PTPRN2: variants seen among roughly 807,000 people sequenced by gnomAD.
PTPRN2 encodes the protein receptor-type tyrosine-protein phosphatase N2.
A neutral mutation model predicts 118.8 loss-of-function variants in PTPRN2; 74 were observed. The observed-to-expected ratio is 0.62, with a 90% CI of 0.52 to 0.76. PTPRN2 has a LOEUF of 0.76. Among genes scored for constraint, PTPRN2 ranks in the 30% least tolerant of loss-of-function variants. The pLI, the probability that PTPRN2 is intolerant of heterozygous loss-of-function variation, is 0.00. For missense variants in PTPRN2, 1,481 were observed against 1,394.4 expected, an observed-to-expected ratio of 1.06 and a Z score of -0.99; for synonymous variants, 641 against 608.0, an observed-to-expected ratio of 1.05 and a Z score of -0.80.
intron 3 of PTPRN2, among the ~76,000 whole-genome samples, chr7:158,258,394 GT>G: frequency 6.6e-6 from 1 of 152,362 alleles, no homozygotes; most frequent in Non-Finnish European, 1.5e-5. Context: ...CAGTTCTTAA[GT>G]TCTTGTCTTT....
At chr7:158,557,225 C>G (rs1827091469) in intron 1 of PTPRN2, among the ~76,000 whole-genome samples, 1 of 147,996 alleles carries the variant, frequency 6.8e-6, no homozygotes, top group South Asian at 2.2e-4. Context: ...CCACGCAGGT[C>G]AGAGGGCTCC....
chr7:158,440,353 G>A (rs552798616), intron 2 of PTPRN2, among the ~76,000 whole-genome samples: 1 of 152,366 alleles, frequency 6.6e-6, no homozygotes, highest in South Asian at 2.1e-4. Context: ...GTGCAGTAGG[G>A]TTCTAGCACA....
chr7:157,989,056 G>A (rs983985369), intron 11 of PTPRN2, among the ~76,000 whole-genome samples: 1 of 152,366 alleles, frequency 6.6e-6, no homozygotes, highest in South Asian at 2.1e-4. Flanking sequence ...TTCTAAAGGT[G>A]CAGATACCCC....
In PTPRN2 at chr7:157,540,712, G is replaced by A. The variant is rs954988924; in HGVS notation, c.*2C>T. 6 of 1,556,610 alleles carry A rather than the reference G, an allele frequency of 3.9e-6. No individual in the cohort carries two copies. The highest frequency in any genetic ancestry group is 1.9e-5 in the Admixed American group (1 of 52,218). On this transcript the variant is annotated 3_prime_UTR_variant, in exon 23 of 23. Transcript: ENST00000389418. The stretch of plus-strand genomic sequence containing the variant: ...CTCCCCTGAGGCCCCTGAGGCTGCC[G>A]CTCACTGGGGAAGGGCCTTGAGGAT...
intron 12 of PTPRN2, chr7:157,862,556 G>T (rs989654738): frequency 2.6e-5 from 4 of 152,230 alleles, no homozygotes; most frequent in Non-Finnish European, 1.5e-5. Flanking sequence ...ACAGAAATGG[G>T]TGCCCAGCTG....
intron 12 of PTPRN2, among the ~76,000 whole-genome samples, chr7:157,826,661 T>C (rs1807193658): frequency 6.6e-6 from 1 of 152,176 alleles, no homozygotes; most frequent in African/African-American, 2.4e-5. Flanking sequence ...AGGTGGGCAT[T>C]ACTCTTCCCA....
In PTPRN2 at chr7:157,986,219, G is replaced by C. The variant is rs116643506; in HGVS notation, c.1724-87482C>G. 2.8e-3 allele frequency among the ~76,000 whole-genome samples: 419 copies of C among 152,320 alleles called. 2 individuals carry two copies. The highest frequency in any genetic ancestry group is 9.5e-3 in the African/African-American group (395 of 41,570). ...GAGGGTGCTGCAAAGCTGCCAGCAA[G>C]TATGTCTGCCTCTGACGAGTCACTG... On this transcript the variant is annotated intron_variant, in intron 11 of 22. Transcript: ENST00000389418. The surrounding 1 kb of genome is among the most constrained non-coding windows in gnomAD (Gnocchi z 4.5).
intron 11 of PTPRN2, among the ~76,000 whole-genome samples, chr7:157,932,892 G>T (rs34145697): frequency 2.7e-5 from 4 of 148,034 alleles, no homozygotes; most frequent in Non-Finnish European, 5.9e-5. Context: ...GAATCACTCC[G>T]ATTGACAGTT....
chr7:158,436,204 A>G (rs972563502), intron 2 of PTPRN2, among the ~76,000 whole-genome samples: 1 of 152,198 alleles, frequency 6.6e-6, no homozygotes, highest in Admixed American at 6.5e-5. Flanking sequence ...GTGTTGATTT[A>G]CCAACCCATT....
At chr7:158,486,700 T>C (rs532299458) in intron 2 of PTPRN2, among the ~76,000 whole-genome samples, 67 of 152,356 alleles carry the variant, frequency 4.4e-4, no homozygotes, top group Admixed American at 2.0e-3. Flanking sequence ...CCCTTACAGC[T>C]GAAGCATTCG....
rs1824678300 is a variant in PTPRN2, at chr7:158,525,201, CCTGACCGCT to C, written c.113-35425_113-35417del. On this transcript the variant is annotated intron_variant, in intron 1 of 22. Transcript: ENST00000389418. The surrounding 1 kb of genome is among the most constrained non-coding windows in gnomAD (Gnocchi z 4.1). ...CTGCAGAGCACAGCGTGAGGCAGGC[CCTGACCGCT>C]CTGGAAGGAAAAGCACCTCTGGCAA... 6.6e-6 allele frequency among the ~76,000 whole-genome samples: 1 copy of C among 152,148 alleles called. No individual in the cohort carries two copies. The highest frequency in any genetic ancestry group is 1.5e-5 in the Non-Finnish European group (1 of 68,018).
At chr7:157,669,421 ACG>A in intron 13 of PTPRN2, 1 of 382,550 alleles carries the variant, frequency 2.6e-6, no homozygotes, top group East Asian at 7.8e-5. Context: ...ACGTGTTTGC[ACG>A]CGCACACACA....
At chr7:157,905,913 C>T (rs1429217857) in intron 11 of PTPRN2, among the ~76,000 whole-genome samples, 1 of 152,148 alleles carries the variant, frequency 6.6e-6, no homozygotes, top group Non-Finnish European at 1.5e-5. Flanking sequence ...TGGTTTCTGG[C>T]CGAGCTGAAA....
At chr7:157,806,425 T>C (rs1425765158) in intron 12 of PTPRN2, among the ~76,000 whole-genome samples, 3 of 152,236 alleles carry the variant, frequency 2.0e-5, no homozygotes, top group Non-Finnish European at 4.4e-5. Context: ...GATGTATCTG[T>C]ATATATGTAT....
At chr7:158,366,451 AC>A (rs1293048048) in intron 2 of PTPRN2, among the ~76,000 whole-genome samples, 1 of 150,572 alleles carries the variant, frequency 6.6e-6, no homozygotes, top group Non-Finnish European at 1.5e-5. Flanking sequence ...ACGCACACAC[AC>A]CCACACACCC....
chr7:157,839,427 C>CTGTG (rs1239812962), intron 12 of PTPRN2, among the ~76,000 whole-genome samples: 1 of 149,838 alleles, frequency 6.7e-6, no homozygotes, highest in African/African-American at 2.5e-5. Flanking sequence ...GTGAGAGAGA[C>CTGTG]TGTGTGTGTG....
rs1026033446 is a variant in PTPRN2 at position 157,651,458 on chromosome 7, G to A, written c.2196+4899C>T. Among the ~76,000 whole-genome samples the A allele has an allele frequency of 1.3e-4, 20 of 152,270 alleles. No homozygotes were observed. The East Asian group carries it at 3.3e-3, about 25-fold the overall frequency. ...AGTTCTATATTATTTAAGTCGAATG[G>A]AGAAGTATGAAGCCAACTTTTTTCT... On this transcript the variant is annotated intron_variant, in intron 14 of 22. Transcript: ENST00000389418.
chr7:158,051,361 C>G (rs886157892), intron 11 of PTPRN2, among the ~76,000 whole-genome samples: 9 of 152,212 alleles, frequency 5.9e-5, no homozygotes, highest in Admixed American at 4.6e-4. Context: ...GGAAGCACAG[C>G]CCTCCCCTCA....
intron 9 of PTPRN2, among the ~76,000 whole-genome samples, chr7:158,116,257 G>T (rs971213056): frequency 1.3e-5 from 2 of 152,214 alleles, no homozygotes; most frequent in Non-Finnish European, 2.9e-5. Context: ...TAAAGTTTCT[G>T]TAAAACTAAA....
Sources: allele counts gnomAD v4.1 joint callset (sites outside exome capture counted in the v4.1 genomes callset), GRCh38; gene constraint gnomAD v4.1.1; non-coding constraint Gnocchi (gnomAD v3.1); transcripts MANE v1.5; gene names NCBI Gene and HGNC (gene_info 2026-07-23, HGNC 2026-07-21).